The following GPR149 variants were observed in gnomAD, a reference collection of about 807,000 sequenced individuals.
GPR149 encodes G protein-coupled receptor 149, also known as probable G protein-coupled receptor 149.
Under a neutral mutation model 50.2 loss-of-function variants are expected in GPR149, and 50 were observed. That is an observed-to-expected ratio of 1.00 (90% confidence interval 0.79 to 1.26). The LOEUF is 1.26. Among genes scored for constraint, GPR149 ranks in the 50% most tolerant of loss-of-function variants. GPR149 has a pLI of 0.00. For missense variants in GPR149, 983 were observed against 895.4 expected, an observed-to-expected ratio of 1.10 and a Z score of -1.25; for synonymous variants, 405 against 358.2, an observed-to-expected ratio of 1.13 and a Z score of -1.48.
At chr3:154,359,320 T>C (rs1315764765) in intron 3 of GPR149, among the ~76,000 whole-genome samples, 1 of 152,206 alleles carries the variant, frequency 6.6e-6, no homozygotes, top group Non-Finnish European at 1.5e-5. Context: ...TCCCTGCAGA[T>C]TGAAGTTGGC....
chr3:154,339,521 A>G (rs1367094921), intron 3 of GPR149, among the ~76,000 whole-genome samples: 1 of 152,166 alleles, frequency 6.6e-6, no homozygotes, highest in Non-Finnish European at 1.5e-5. Flanking sequence ...AGCTTTCTCA[A>G]TTTTCCTGGG....
chr3:154,381,276 C>T (rs1254791954), intron 3 of GPR149, among the ~76,000 whole-genome samples: 1 of 152,152 alleles, frequency 6.6e-6, no homozygotes, highest in Non-Finnish European at 1.5e-5. Flanking sequence ...TGTTGCTATT[C>T]ACATGATCTC....
chr3:154,390,890 T>C (rs554541053), intron 3 of GPR149, among the ~76,000 whole-genome samples: 13 of 152,208 alleles, frequency 8.5e-5, no homozygotes, highest in African/African-American at 2.6e-4. Context: ...AAACATTGCA[T>C]GCCAGAGAAG....
At chr3:154,407,260 T>C (rs1711720328) in intron 3 of GPR149, among the ~76,000 whole-genome samples, 1 of 151,810 alleles carries the variant, frequency 6.6e-6, no homozygotes, top group Admixed American at 6.6e-5. Flanking sequence ...ATATAAATAA[T>C]GAAAAATGTA....
At chr3:154,385,624 T>C (rs2108409113) in intron 3 of GPR149, among the ~76,000 whole-genome samples, 1 of 152,254 alleles carries the variant, frequency 6.6e-6, no homozygotes, top group African/African-American at 2.4e-5. Flanking sequence ...ACTTCACTCT[T>C]AGGAGCTGTA....
At chr3:154,395,047 G>A (rs1399845) in intron 3 of GPR149, among the ~76,000 whole-genome samples, 98,890 of 151,942 alleles carry the variant, frequency 0.65, 32,478 homozygotes, top group East Asian at 0.8. Flanking sequence ...AAATCAGCAA[G>A]TCTATAGTTC....
chr3:154,409,729 C>T (rs1711784889), intron 3 of GPR149, among the ~76,000 whole-genome samples: 1 of 152,050 alleles, frequency 6.6e-6, no homozygotes, highest in Non-Finnish European at 1.5e-5. Context: ...AAGTTTGGGA[C>T]TGTGTTAAAC....
intron 3 of GPR149, among the ~76,000 whole-genome samples, chr3:154,417,603 G>A (rs1391110551): frequency 1.3e-5 from 2 of 152,008 alleles, no homozygotes; most frequent in East Asian, 3.9e-4. Flanking sequence ...GAGCCTAAGT[G>A]TTTGAAAGTA....
intron 3 of GPR149, among the ~76,000 whole-genome samples, chr3:154,416,462 T>C (rs17369867): frequency 0.22 from 33,774 of 151,694 alleles, 4,635 homozygotes; most frequent in Non-Finnish European, 0.3. Context: ...CGTATGTACA[T>C]TAAAACTTGA....
intron 3 of GPR149, among the ~76,000 whole-genome samples, chr3:154,348,870 C>G (rs892398695): frequency 6.6e-6 from 1 of 152,050 alleles, no homozygotes; most frequent in African/African-American, 2.4e-5. Flanking sequence ...GAGATAGACC[C>G]TATCTAAGCC....
At chr3:154,393,066 T>C (rs1715205741) in intron 3 of GPR149, among the ~76,000 whole-genome samples, 1 of 152,162 alleles carries the variant, frequency 6.6e-6, no homozygotes, top group East Asian at 1.9e-4. Context: ...GATGGAACAC[T>C]TTCAATCTGA....
intron 3 of GPR149, chr3:154,353,339 C>A: frequency 1.4e-6 from 2 of 1,428,310 alleles, no homozygotes; most frequent in Non-Finnish European, 2.0e-6. Flanking sequence ...CTTTGTATAC[C>A]CACTGTGGGC....
intron 3 of GPR149, among the ~76,000 whole-genome samples, chr3:154,375,231 G>T (rs1266505208): frequency 1.3e-5 from 2 of 152,054 alleles, no homozygotes; most frequent in African/African-American, 4.8e-5. Context: ...AATGATTTGA[G>T]GACACTTTGT....
intron 3 of GPR149, among the ~76,000 whole-genome samples, chr3:154,342,718 T>C (rs1413609172): frequency 6.6e-6 from 1 of 152,182 alleles, no homozygotes; most frequent in Non-Finnish European, 1.5e-5. Flanking sequence ...TTACAAATAA[T>C]TTTAAAAGTA....
At chr3:154,390,310 G>T (rs560135997) in intron 3 of GPR149, among the ~76,000 whole-genome samples, 12 of 152,256 alleles carry the variant, frequency 7.9e-5, no homozygotes, top group Admixed American at 2.0e-4. Flanking sequence ...TGCTTGTAAA[G>T]GTGCTCAGTG....
chr3:154,344,724 G>T (rs1713882092), intron 3 of GPR149, among the ~76,000 whole-genome samples: 1 of 152,120 alleles, frequency 6.6e-6, no homozygotes, highest in Admixed American at 6.5e-5. Flanking sequence ...ACCAAGGATT[G>T]CTGGGAGCCA....
intron 3 of GPR149, among the ~76,000 whole-genome samples, chr3:154,365,786 C>T (rs1259471481): frequency 6.6e-6 from 1 of 152,174 alleles, no homozygotes; most frequent in Non-Finnish European, 1.5e-5. Context: ...ATAAGATATG[C>T]CTTATTTCCA....
intron 3 of GPR149, chr3:154,354,927 T>C (rs1461547083): frequency 5.2e-6 from 1 of 193,738 alleles, no homozygotes; most frequent in Non-Finnish European, 1.1e-5. Context: ...ATCATTCTGA[T>C]GAAAAATGAT....
intron 3 of GPR149, among the ~76,000 whole-genome samples, chr3:154,413,746 A>C (rs190722841): frequency 9.8e-4 from 149 of 152,134 alleles, no homozygotes; most frequent in African/African-American, 3.3e-3. Flanking sequence ...AACAGTGTGG[A>C]GATTCCTTGC....
Sources: allele counts gnomAD v4.1 joint callset (sites outside exome capture counted in the v4.1 genomes callset), GRCh38; gene constraint gnomAD v4.1.1; transcripts MANE v1.5; gene names NCBI Gene and HGNC (gene_info 2026-07-23, HGNC 2026-07-21).